Variants in FBXL17 observed in about 807,000 individuals in gnomAD.
FBXL17 encodes F-box and leucine rich repeat protein 17, also known as F-box/LRR-repeat protein 17.
A neutral mutation model predicts 66.2 loss-of-function variants in FBXL17; 22 were observed. The observed-to-expected ratio is 0.33, with a 90% CI of 0.24 to 0.47. The LOEUF is 0.47. FBXL17 is among the 20% of genes least tolerant of loss of function. The pLI is 1.00. For synonymous variants in FBXL17, 474 were observed against 400.5 expected, an observed-to-expected ratio of 1.18 and a Z score of -2.19; for missense variants, 878 against 948.2, an observed-to-expected ratio of 0.93 and a Z score of 0.97.
intron 6 of FBXL17, among the ~76,000 whole-genome samples, chr5:108,046,377 T>C (rs1385595208): frequency 6.6e-6 from 1 of 152,220 alleles, no homozygotes; most frequent in Non-Finnish European, 1.5e-5. Flanking sequence ...ACTTGGGTCA[T>C]GTTTTAAAAT....
At chr5:108,043,889 T>C (rs1214011279) in intron 6 of FBXL17, among the ~76,000 whole-genome samples, 1 of 152,174 alleles carries the variant, frequency 6.6e-6, no homozygotes, top group Non-Finnish European at 1.5e-5. Flanking sequence ...TCAAGGCTTG[T>C]ATAATTTCTG....
intron 3 of FBXL17, 50 bp from the exon 4 acceptor site, chr5:108,348,580 A>G: frequency 1.9e-6 from 3 of 1,566,212 alleles, no homozygotes; most frequent in South Asian, 1.2e-5. Flanking sequence ...CAAAGGCAAC[A>G]TATTTCAAGT....
intron 2 of FBXL17, 52 bp from the exon 3 acceptor site, chr5:108,365,047 T>G: frequency 7.6e-7 from 1 of 1,316,392 alleles, no homozygotes. Context: ...TAAAAACGTA[T>G]TTTCCATTTT....
intron 7 of FBXL17, 184 bp downstream of exon 7, chr5:108,020,741 T>C (rs1754565037): frequency 4.0e-6 from 2 of 498,108 alleles, no homozygotes; most frequent in Non-Finnish European, 7.3e-6. Context: ...GTAATATGCA[T>C]ATTCATTTTA....
At chr5:107,929,350 T>C (rs1835978) in intron 7 of FBXL17, among the ~76,000 whole-genome samples, 136,527 of 152,236 alleles carry the variant, frequency 0.9, 61,631 homozygotes, top group African/African-American at 0.96. Flanking sequence ...AAAAGAGCCA[T>C]ATTTGTTTGG....
chr5:108,318,012 A>T (rs1471718409), intron 4 of FBXL17, among the ~76,000 whole-genome samples: 1 of 151,648 alleles, frequency 6.6e-6, no homozygotes, highest in East Asian at 1.9e-4. Context: ...TTTATGAAAC[A>T]GATCACAAAA....
At chr5:107,957,962 G>C (rs7737558) in intron 7 of FBXL17, among the ~76,000 whole-genome samples, 14,555 of 152,054 alleles carry the variant, frequency 0.096, 738 homozygotes, top group South Asian at 0.13. Context: ...GTCTCTGGCC[G>C]AAGCATTCTG....
In FBXL17 at chr5:108,327,527, C is replaced by G. The variant is rs146962181; in HGVS notation, c.1506+20872G>C. Among the ~76,000 whole-genome samples, 420 of 151,882 alleles carry G rather than the reference C, an allele frequency of 2.8e-3. 4 individuals carry two copies. The highest frequency in any genetic ancestry group is 9.6e-3 in the African/African-American group (398 of 41,422). The stretch of plus-strand genomic sequence containing the variant: ...TTCATGGCAAAGAAAATGATAGACA[C>G]CAAGGCAAAAAAAATGAATGGACTG... On this transcript the variant is annotated intron_variant, in intron 4 of 8. Coordinates refer to ENST00000542267, the MANE Select transcript of FBXL17 (RefSeq NM_001163315.3).
At chr5:108,344,629 CA>C (rs1747130265) in intron 4 of FBXL17, among the ~76,000 whole-genome samples, 1 of 152,096 alleles carries the variant, frequency 6.6e-6, no homozygotes, top group Admixed American at 6.6e-5. Context: ...GCCTATATAA[CA>C]AATGGCAGGT....
At chr5:108,221,850 T>C (rs1173277255) in intron 5 of FBXL17, among the ~76,000 whole-genome samples, 4 of 152,148 alleles carry the variant, frequency 2.6e-5, no homozygotes, top group Middle Eastern at 3.2e-3. Flanking sequence ...ATAGCTAAAA[T>C]AGCTTTGCAG....
At chr5:108,060,113 G>A (rs919511150) in intron 6 of FBXL17, among the ~76,000 whole-genome samples, 2 of 150,634 alleles carry the variant, frequency 1.3e-5, no homozygotes, top group African/African-American at 2.4e-5. Context: ...TATATTTGTA[G>A]TAATATTATA....
intron 1 of FBXL17, among the ~76,000 whole-genome samples, chr5:108,373,572 T>C (rs1749209737): frequency 6.6e-6 from 1 of 151,976 alleles, no homozygotes; most frequent in Admixed American, 6.6e-5. Context: ...TGTATTTCCT[T>C]ATCACTAATT....
chr5:108,205,691 T>C (rs1269757168), intron 5 of FBXL17, among the ~76,000 whole-genome samples: 2 of 152,118 alleles, frequency 1.3e-5, no homozygotes, highest in African/African-American at 2.4e-5. Flanking sequence ...TTCCTGTAAA[T>C]AGGTAAATAC....
At chr5:108,013,646 G>A (rs1409740887) in intron 7 of FBXL17, among the ~76,000 whole-genome samples, 1 of 151,920 alleles carries the variant, frequency 6.6e-6, no homozygotes, top group African/African-American at 2.4e-5. Context: ...ATCCATCTCT[G>A]TATTTTCCAC....
At chr5:108,172,364 T>C (rs1752637491) in intron 6 of FBXL17, among the ~76,000 whole-genome samples, 1 of 152,124 alleles carries the variant, frequency 6.6e-6, no homozygotes, top group Non-Finnish European at 1.5e-5. Flanking sequence ...AGCACAGATA[T>C]AAGAGGATAG....
At chr5:108,379,992 T>C (rs1249241238) in intron 1 of FBXL17, among the ~76,000 whole-genome samples, 9 of 151,934 alleles carry the variant, frequency 5.9e-5, no homozygotes, top group Admixed American at 5.9e-4. Flanking sequence ...GGTCTTAAAT[T>C]CCCTCATTCA....
intron 2 of FBXL17, among the ~76,000 whole-genome samples, chr5:108,366,036 C>G (rs1319881182): frequency 6.6e-6 from 1 of 152,046 alleles, no homozygotes; most frequent in Admixed American, 6.6e-5. Flanking sequence ...TATGAAAATT[C>G]ACTTTTACAC....
At chr5:108,367,057 T>A (rs978071129) in intron 2 of FBXL17, among the ~76,000 whole-genome samples, 1 of 152,078 alleles carries the variant, frequency 6.6e-6, no homozygotes, top group African/African-American at 2.4e-5. Context: ...GGCTTTTTTT[T>A]AAAGACAGTT....
At chr5:108,021,927 A>C (rs1754619452) in intron 6 of FBXL17, among the ~76,000 whole-genome samples, 1 of 151,872 alleles carries the variant, frequency 6.6e-6, no homozygotes, top group Admixed American at 6.6e-5. Context: ...GTAATTTGAT[A>C]CCTGTGTGCA....
Sources: allele counts gnomAD v4.1 joint callset (sites outside exome capture counted in the v4.1 genomes callset), GRCh38; gene constraint gnomAD v4.1.1; transcripts MANE v1.5; gene names NCBI Gene and HGNC (gene_info 2026-07-23, HGNC 2026-07-21).